PTGS1: variants seen among roughly 807,000 people sequenced by gnomAD.
The protein encoded by PTGS1 is prostaglandin G/H synthase 1.
In PTGS1, 40 loss-of-function variants were observed where a neutral mutation model predicts 63.0. That is an observed-to-expected ratio of 0.63 (90% CI 0.49 to 0.83). The LOEUF (loss-of-function observed/expected upper bound fraction) is 0.83. PTGS1 is among the 40% of genes least tolerant of loss of function. The pLI is 0.00. For missense variants in PTGS1, 709 were observed against 786.5 expected (o/e 0.90, Z 1.18); for synonymous variants, 298 against 301.9 (o/e 0.99, Z 0.13).
At chr9:122,389,129 C>T (rs1338284848) in intron 9 of PTGS1, among the ~76,000 whole-genome samples, 2 of 150,022 alleles carry the variant, frequency 1.3e-5, no homozygotes, top group African/African-American at 2.4e-5. Flanking sequence ...TCCTAAGCAC[C>T]AGAGCTTTCT....
rs142564054 is a variant in PTGS1 at position 122,388,175 on chromosome 9, C to T, written c.1296+1443C>T. Among the ~76,000 whole-genome samples the T allele has an allele frequency of 4.3e-3, 649 of 152,262 alleles. 6 individuals carry two copies. The highest frequency in any genetic ancestry group is 0.015 in the African/African-American group (621 of 41,536). On this transcript the variant is annotated intron_variant, in intron 9 of 10. Coordinates refer to ENST00000362012, the MANE Select transcript of PTGS1 (RefSeq NM_000962.4). ...CGTACCTGGCACAAGGCAGAAAGGC[C>T]GCAGAGATGTATGGACTGTCAAGAT...
intron 10 of PTGS1, among the ~76,000 whole-genome samples, chr9:122,391,676 T>C (rs1383670329): frequency 6.6e-6 from 1 of 151,690 alleles, no homozygotes; most frequent in African/African-American, 2.4e-5. Context: ...CTTGTGATCC[T>C]GGAACAGCAT....
rs201181362 is a variant in PTGS1, at chr9:122,395,207, T to A, written c.*2663T>A. Reference sequence around the variant, plus strand: ...CTTAAATGCAAGTGCCTAGATTAGGTAGACTTTGCTTAGTATTGACAACTG... The same window carrying A: ...CTTAAATGCAAGTGCCTAGATTAGGAAGACTTTGCTTAGTATTGACAACTG... On this transcript the variant is annotated 3_prime_UTR_variant, in exon 11 of 11. Transcript: ENST00000362012. 6.6e-5 allele frequency: 10 copies of A among 152,178 alleles called. No homozygotes were observed. The highest frequency in any genetic ancestry group is 1.0e-4 in the Non-Finnish European group (7 of 68,030). 9.4% of individuals were successfully genotyped at this position (152,178 alleles called of 1,614,324 possible). A position where few individuals can be genotyped will look rare whatever the true frequency, so the allele number is the denominator to read the frequency against.
chr9:122,376,228 G>A (rs924107250), intron 2 of PTGS1, among the ~76,000 whole-genome samples: 1 of 152,090 alleles, frequency 6.6e-6, no homozygotes, highest in Admixed American at 6.5e-5. Context: ...AAGCCTTTTT[G>A]TCCAGCCTTC....
Position 122,381,384 on chromosome 9 carries a change from G to A in PTGS1, c.510G>A (p.Leu170=), listed in dbSNP as rs1320290573. 1 of 1,613,994 alleles carries A rather than the reference G, an allele frequency of 6.2e-7. No individual in the cohort carries two copies. The highest frequency in any genetic ancestry group is 8.5e-7 in the Non-Finnish European group (1 of 1,179,962). ...TPMGTKGKKQ[L]PDAQLLARRF... ...CCCCCCAACCAGGGAAGAAGCAGTTGCCAGATGCCCAGCTCCTGGCCCGCC... is the reference window on the plus strand; with the variant it reads ...CCCCCCAACCAGGGAAGAAGCAGTTACCAGATGCCCAGCTCCTGGCCCGCC... The change falls in exon 6 of 11, where the codon TTG becomes TTA. Residue 170 remains leucine (L), a synonymous_variant. Transcript: ENST00000362012.
intron 5 of PTGS1, among the ~76,000 whole-genome samples, chr9:122,380,362 G>A (rs1837431938): frequency 6.6e-6 from 1 of 152,020 alleles, no homozygotes; most frequent in African/African-American, 2.4e-5. Context: ...CTACTCAGGA[G>A]GCTAAGGTGG....
chr9:122,372,814 C>A (rs1292992337), intron 2 of PTGS1: 1 of 150,914 alleles, frequency 6.6e-6, no homozygotes, highest in Non-Finnish European at 1.5e-5. Context: ...TAAATGTTTA[C>A]ACGGAATTGT....
At chr9:122,381,307 G>C (rs1837497444) in intron 5 of PTGS1, 64 bp from the exon 6 acceptor site, 5 of 1,539,754 alleles carry the variant, frequency 3.2e-6, no homozygotes, top group Non-Finnish European at 4.4e-6. Flanking sequence ...GGTGAGCCCA[G>C]ATGTCCCCAG....
intron 10 of PTGS1, among the ~76,000 whole-genome samples, chr9:122,391,336 GTATATATATACTATATATATACATA>G (rs1442090539): frequency 2.7e-5 from 3 of 110,164 alleles, no homozygotes; most frequent in African/African-American, 1.6e-4. Context: ...ATATGTGTGT[GTATATATATACTATATATATACATA>G]TATATATATA....
At chr9:122,376,199 T>C (rs556895887) in intron 2 of PTGS1, among the ~76,000 whole-genome samples, 17 of 152,278 alleles carry the variant, frequency 1.1e-4, no homozygotes, top group African/African-American at 3.8e-4. Flanking sequence ...CTGCCAGGTT[T>C]GCCTGTGGCT....
chr9:122,378,475 CCT>C lies in PTGS1; in HGVS notation c.257_258del (p.Ser86PhefsTer48). 3 of 1,614,228 alleles carry C rather than the reference CCT, an allele frequency of 1.9e-6. No individual in the cohort carries two copies. The South Asian group carries it at 3.3e-5, about 18-fold the overall frequency. On this transcript the variant is annotated frameshift_variant, in exon 4 of 11. Coordinates refer to ENST00000362012, the MANE Select transcript of PTGS1 (RefSeq NM_000962.4). LOFTEE classifies it high-confidence loss of function. ...CTCCGGAATTCACTGCGGCCCAGCC[CCT>C]CTTTCACCCACTTCCTGCTCACTCA...
chr9:122,370,634 C>A, upstream of PTGS1: 1 of 230,138 alleles, frequency 4.3e-6, no homozygotes, highest in Non-Finnish European at 8.6e-6. Context: ...AGCCCCTTTT[C>A]TTCTCTACCC....
At chr9:122,372,764 G>A (rs1362372784) in intron 2 of PTGS1, 3 of 152,262 alleles carry the variant, frequency 2.0e-5, no homozygotes, top group African/African-American at 7.2e-5. Context: ...CATGGTCTGT[G>A]CTATTTTGTT....
chr9:122,387,425 G>A (rs1184663415), intron 9 of PTGS1, among the ~76,000 whole-genome samples: 4 of 152,126 alleles, frequency 2.6e-5, no homozygotes, highest in Non-Finnish European at 5.9e-5. Context: ...TTTAAAGTTC[G>A]TATGTTGAAA....
At chr9:122,380,947 A>C (rs1419294089) in intron 5 of PTGS1, among the ~76,000 whole-genome samples, 1 of 152,160 alleles carries the variant, frequency 6.6e-6, no homozygotes, top group Non-Finnish European at 1.5e-5. Context: ...AAGGGAGTTC[A>C]TGTTTGTTTT....
chr9:122,382,451 T>C (rs1412597879), intron 7 of PTGS1, among the ~76,000 whole-genome samples: 1 of 152,226 alleles, frequency 6.6e-6, no homozygotes, highest in African/African-American at 2.4e-5. Flanking sequence ...TGTATTAAGA[T>C]TTCATAAAAT....
rs767254405 is a variant in PTGS1 at position 122,378,784 on chromosome 9, A to G, written c.362A>G (p.Asn121Ser). The G allele has an allele frequency of 3.1e-6, 5 of 1,614,146 alleles. No homozygotes were observed. The highest frequency in any genetic ancestry group is 4.5e-5 in the East Asian group (2 of 44,888). Residue 121 changes from asparagine to serine, a missense_variant, in exon 5 of 11, where the codon AAC (asparagine) becomes AGC (serine). By Grantham distance (46) the Asn-to-Ser change is conservative. Coordinates refer to ENST00000362012, the MANE Select transcript of PTGS1 (RefSeq NM_000962.4). The stretch of plus-strand genomic sequence containing the variant: ...TTTTTGCTCTCTGCAGTGCGCTCCA[A>G]CCTTATCCCCAGTCCCCCCACCTAC... The part of the protein sequence containing the change: ...LMRLVLTVRS[N>S]LIPSPPTYNS...
At chr9:122,370,799 C>T, upstream of PTGS1, 1 of 593,482 alleles carries the variant, frequency 1.7e-6, no homozygotes, top group Non-Finnish European at 3.0e-6. Flanking sequence ...CGTCTCTGAG[C>T]CTCAGTTTCC....
At chr9:122,391,374 T>TATATATAC (rs1838244004) in intron 10 of PTGS1, among the ~76,000 whole-genome samples, 2 of 81,458 alleles carry the variant, frequency 2.5e-5, no homozygotes, top group East Asian at 1.1e-3. Context: ...TATATATACA[T>TATATATAC]ATATATATAT....
Sources: allele counts gnomAD v4.1 joint callset (sites outside exome capture counted in the v4.1 genomes callset), GRCh38; gene constraint gnomAD v4.1.1; transcripts MANE v1.5; gene names NCBI Gene and HGNC (gene_info 2026-07-23, HGNC 2026-07-21).